Variants in SEC14L2 observed in about 807,000 individuals in gnomAD.
The protein encoded by SEC14L2 is SEC14 like lipid binding 2, also known as SEC14-like protein 2.
In SEC14L2, 50 loss-of-function variants were observed where a neutral mutation model predicts 56.9. That is an observed-to-expected ratio of 0.88 (90% CI 0.70 to 1.11). The LOEUF (loss-of-function observed/expected upper bound fraction) is 1.11, where lower values mean the gene tolerates loss of function less well. Ranked by LOEUF, SEC14L2 falls within the 50% of genes most tolerant of loss-of-function variation. The pLI, the probability that SEC14L2 is intolerant of heterozygous loss-of-function variation, is 0.00. For synonymous variants in SEC14L2, 179 were observed against 188.5 expected, an observed-to-expected ratio of 0.95 and a Z score of 0.41; for missense variants, 414 against 500.7, an observed-to-expected ratio of 0.83 and a Z score of 1.65.
At chr22:30,416,656 T>C in intron 11 of SEC14L2, 1 of 1,429,194 alleles carries the variant, frequency 7.0e-7, no homozygotes, top group Non-Finnish European at 9.1e-7. Context: ...TCCTAGGCGA[T>C]CACAGGGGTT....
chr22:30,408,619 A>G (rs1462698285), intron 5 of SEC14L2, among the ~76,000 whole-genome samples: 3 of 152,154 alleles, frequency 2.0e-5, no homozygotes, highest in African/African-American at 4.8e-5. Context: ...CCTTACTGAG[A>G]AAAAGACTGA....
At chr22:30,400,692 G>A (rs960565290) in intron 2 of SEC14L2, among the ~76,000 whole-genome samples, 4 of 151,614 alleles carry the variant, frequency 2.6e-5, no homozygotes, top group South Asian at 2.1e-4. Flanking sequence ...CCAGGACTTC[G>A]AGACCAGCCT....
At chr22:30,419,119 A>T (rs1934453741) in intron 11 of SEC14L2, among the ~76,000 whole-genome samples, 1 of 152,212 alleles carries the variant, frequency 6.6e-6, no homozygotes, top group Non-Finnish European at 1.5e-5. Context: ...AACACTATAG[A>T]AAGGGTGAGC....
chr22:30,399,864 C>A, intron 2 of SEC14L2, 146 bp downstream of exon 2: 1 of 614,988 alleles, frequency 1.6e-6, no homozygotes, highest in Non-Finnish European at 2.8e-6. Context: ...ATGACATAAG[C>A]TCAACCCTCC....
At chr22:30,412,043 A>G (rs928485826) in intron 8 of SEC14L2, among the ~76,000 whole-genome samples, 2 of 152,170 alleles carry the variant, frequency 1.3e-5, no homozygotes, top group African/African-American at 4.8e-5. Context: ...GCTGTTATAG[A>G]ATGTGAGGCA....
intron 1 of SEC14L2, among the ~76,000 whole-genome samples, chr22:30,398,284 G>C (rs958227124): frequency 6.6e-6 from 1 of 152,206 alleles, no homozygotes; most frequent in Admixed American, 6.5e-5. Context: ...TCCTTGGAGA[G>C]GGGTAGCTTC....
At chr22:30,403,453 C>G (rs1482968577) in intron 2 of SEC14L2, among the ~76,000 whole-genome samples, 1 of 152,232 alleles carries the variant, frequency 6.6e-6, no homozygotes, top group Non-Finnish European at 1.5e-5. Flanking sequence ...ACCACCCAGA[C>G]AGCTGCTCCT....
In SEC14L2 at chr22:30,416,418, C is replaced by T. The variant is rs777317628; in HGVS notation, c.1081+15C>T. Reference sequence around the variant, plus strand: ...TCCTGGCATCTGTAAGTATCTCTGCCTTGGCAATGCCTTGAAGCCCCATGT... The same window carrying T: ...TCCTGGCATCTGTAAGTATCTCTGCTTTGGCAATGCCTTGAAGCCCCATGT... On this transcript the variant is annotated intron_variant, in intron 11 of 11. Transcript: ENST00000615189. The T allele has an allele frequency of 1.9e-6, 3 of 1,614,134 alleles. No individual in the cohort carries two copies. In the African/African-American group the frequency reaches 4.0e-5, roughly 22 times the overall value.
chr22:30,414,627 T>C (rs1934338665), intron 8 of SEC14L2, among the ~76,000 whole-genome samples: 1 of 152,202 alleles, frequency 6.6e-6, no homozygotes, highest in Non-Finnish European at 1.5e-5. Context: ...ATATGCTCTA[T>C]ATAGTAGGCA....
At chr22:30,406,247 G>T in intron 2 of SEC14L2, 95 bp from the exon 3 acceptor site, 1 of 1,193,250 alleles carries the variant, frequency 8.4e-7, no homozygotes, top group South Asian at 1.3e-5. Flanking sequence ...TGACTGAGAG[G>T]AACTGGCCCT....
chr22:30,399,869 C>A (rs1378636580), intron 2 of SEC14L2, 151 bp downstream of exon 2: 1 of 608,472 alleles, frequency 1.6e-6, no homozygotes, highest in Non-Finnish European at 2.8e-6. Context: ...ATAAGCTCAA[C>A]CCTCCTAGTG....
At chr22:30,405,085 G>T (rs2146016921) in intron 2 of SEC14L2, among the ~76,000 whole-genome samples, 1 of 151,716 alleles carries the variant, frequency 6.6e-6, no homozygotes, top group African/African-American at 2.4e-5. Flanking sequence ...AAAAAGAAAA[G>T]AAAAGAAAAA....
chr22:30,405,165 T>C (rs150177475), intron 2 of SEC14L2, among the ~76,000 whole-genome samples: 16 of 151,770 alleles, frequency 1.1e-4, no homozygotes, highest in African/African-American at 1.5e-4. Flanking sequence ...CTCTGGAAAA[T>C]TGGAAAACAC....
chr22:30,407,196 T>C, intron 4 of SEC14L2, 42 bp downstream of exon 4: 1 of 1,607,352 alleles, frequency 6.2e-7, no homozygotes, highest in Non-Finnish European at 8.5e-7. Context: ...GCTAGGCCTT[T>C]CAGACCCACA....
intron 11 of SEC14L2, among the ~76,000 whole-genome samples, chr22:30,419,277 C>T (rs1026085474): frequency 1.3e-5 from 2 of 152,126 alleles, no homozygotes; most frequent in Non-Finnish European, 2.9e-5. Flanking sequence ...GATGGCCGGG[C>T]GTGGTGGCTC....
chr22:30,422,314 T>A lies in SEC14L2; in HGVS notation c.1119T>A (p.His373Gln), dbSNP rs748637339. Reference sequence around the variant, plus strand: ...TTGACAACACCTACAGCTTCATTCATGCCAAGAAGGTCAATTTCACTGTGG... The same window carrying A: ...TTGACAACACCTACAGCTTCATTCAAGCCAAGAAGGTCAATTTCACTGTGG... Reference protein sequence around the residue: ...LRFDNTYSFIHAKKVNFTVEV... With the variant: ...LRFDNTYSFIQAKKVNFTVEV... Residue 373 changes from histidine (H) to glutamine (Q), a missense_variant, in exon 12 of 12, where the codon CAT (histidine) becomes CAA (glutamine). Transcript: ENST00000615189. The A allele has an allele frequency of 6.2e-7, 1 of 1,614,220 alleles. No homozygotes were observed. Among genetic ancestry groups the A allele is most frequent in the Non-Finnish European group, 8.5e-7 (1 of 1,180,036 alleles).
In SEC14L2 at chr22:30,397,211, G is replaced by C. The variant is rs929970663; in HGVS notation, c.54+41G>C. 9 of 1,470,132 alleles carry C rather than the reference G, an allele frequency of 6.1e-6. No homozygotes were observed. In the African/African-American group the frequency reaches 1.2e-4, roughly 19 times the overall value. The allele number at this position is 1,470,132 out of a possible 1,614,324, so 91.1% of individuals were successfully genotyped here. On this transcript the variant is annotated intron_variant, in intron 1 of 11. Coordinates refer to ENST00000615189, the MANE Select transcript of SEC14L2 (RefSeq NM_012429.5). The stretch of plus-strand genomic sequence containing the variant: ...GGCCCGGGCTCCCGCCTCGGGCTGT[G>C]GCCCTCGCCCTCCTGCGGCAGCGAG...
intron 2 of SEC14L2, among the ~76,000 whole-genome samples, chr22:30,403,161 GTC>G (rs1395057637): frequency 2.0e-5 from 3 of 152,272 alleles, no homozygotes; most frequent in African/African-American, 7.2e-5. Context: ...TTTCATAAAA[GTC>G]ACACACGGGC....
In SEC14L2 at chr22:30,424,860, A is replaced by T. The variant is rs1218539564; in HGVS notation, c.*2453A>T. ...AGGCTTCCTCCTGTTGTAATCACTA[A>T]CCCCAACTCTGTCTCCCTTGCCCGA... is the stretch of plus-strand genomic sequence containing the variant. On this transcript the variant is annotated 3_prime_UTR_variant, in exon 12 of 12. Coordinates refer to ENST00000615189, the MANE Select transcript of SEC14L2 (RefSeq NM_012429.5). 8.8e-6 allele frequency: 4 copies of T among 455,230 alleles called. No homozygotes were observed. Among genetic ancestry groups the T allele is most frequent in the African/African-American group, 2.0e-5 (1 of 49,986 alleles). 28.2% of individuals were successfully genotyped at this position (455,230 alleles called of 1,614,324 possible). A position where few individuals can be genotyped will look rare whatever the true frequency, so the allele number is the denominator to read the frequency against.
Sources: allele counts gnomAD v4.1 joint callset (sites outside exome capture counted in the v4.1 genomes callset), GRCh38; gene constraint gnomAD v4.1.1; transcripts MANE v1.5; gene names NCBI Gene and HGNC (gene_info 2026-07-23, HGNC 2026-07-21).